JMJD1C: variants seen among roughly 807,000 people sequenced by gnomAD.
JMJD1C encodes jumonji domain-containing protein 1C.
JMJD1C carries 31 observed loss-of-function variants against 245.3 expected under a neutral mutation model. The ratio of observed to expected loss-of-function variants is 0.13; its 90% CI spans 0.09 to 0.17. The LOEUF is 0.17. Ranked by LOEUF, JMJD1C falls within the 10% of genes least tolerant of loss-of-function variation. JMJD1C has a pLI of 1.00. For missense variants in JMJD1C, 2,691 were observed against 3,000.2 expected, an observed-to-expected ratio of 0.90 and a Z score of 2.41; for synonymous variants, 1,057 against 1,017.4, an observed-to-expected ratio of 1.04 and a Z score of -0.74.
chr10:63,351,039 C>T (rs1944313721), intron 2 of JMJD1C, among the ~76,000 whole-genome samples: 1 of 151,086 alleles, frequency 6.6e-6, no homozygotes, highest in Non-Finnish European at 1.5e-5. Context: ...GATATAGATT[C>T]TGTTCTTCTC....
intron 1 of JMJD1C, among the ~76,000 whole-genome samples, chr10:63,472,020 CAG>C (rs1953506272): frequency 6.6e-6 from 1 of 152,148 alleles, no homozygotes; most frequent in African/African-American, 2.4e-5. Context: ...GCCTGGGCGA[CAG>C]AGTGAGACTC....
chr10:63,335,891 C>T (rs762725975), intron 2 of JMJD1C, among the ~76,000 whole-genome samples: 5 of 151,574 alleles, frequency 3.3e-5, no homozygotes, highest in Admixed American at 6.6e-5. Context: ...GAGGCCAACA[C>T]AGACAGATCA....
chr10:63,225,324 C>G (rs927147514), intron 3 of JMJD1C, among the ~76,000 whole-genome samples: 2 of 152,116 alleles, frequency 1.3e-5, no homozygotes, highest in Admixed American at 6.5e-5. Context: ...CACTAAGCAT[C>G]TGCTTTATTA....
chr10:63,475,122 C>T (rs1245271407), intron 1 of JMJD1C, among the ~76,000 whole-genome samples: 5 of 152,034 alleles, frequency 3.3e-5, no homozygotes, highest in Admixed American at 3.3e-4. Flanking sequence ...ATTATCCTTT[C>T]CTTTACAGTT....
At chr10:63,191,335 T>C (rs1398867941) in intron 16 of JMJD1C, among the ~76,000 whole-genome samples, 2 of 152,126 alleles carry the variant, frequency 1.3e-5, no homozygotes, top group African/African-American at 2.4e-5. Context: ...GGTTTCATCA[T>C]GTTGGTCAGG....
intron 13 of JMJD1C, 112 bp from the exon 14 acceptor site, chr10:63,194,487 C>T: frequency 4.7e-6 from 3 of 638,624 alleles, no homozygotes; most frequent in Admixed American, 2.6e-5. Context: ...AGAGTCACAG[C>T]CAAAGAGAAA....
chr10:63,183,311 G>A, intron 22 of JMJD1C, 136 bp downstream of exon 22: 11 of 651,994 alleles, frequency 1.7e-5, no homozygotes, highest in South Asian at 2.4e-5. Context: ...AGTAATAAGG[G>A]CTAAAATGCC....
chr10:63,405,210 A>C (rs1439388334), intron 1 of JMJD1C, among the ~76,000 whole-genome samples: 2 of 152,174 alleles, frequency 1.3e-5, no homozygotes, highest in Non-Finnish European at 2.9e-5. Context: ...TATGTTTTTC[A>C]GATGAGAACT....
chr10:63,418,848 G>A (rs1004706634), intron 1 of JMJD1C, among the ~76,000 whole-genome samples: 1 of 152,166 alleles, frequency 6.6e-6, no homozygotes, highest in African/African-American at 2.4e-5. Context: ...GGGAGGCCGA[G>A]GCAGGGGATC....
rs766251480 is a variant in JMJD1C, at chr10:63,208,076, C to T, written c.3593G>A (p.Arg1198His). ...HLTVSSTNTL[R>H]SMPALHRAPV... Reference sequence around the variant, plus strand: ...TGCTCTATGTAATGCAGGCATACTGCGGAGTGTATTTGTAGAAGAAACTGT... The same window carrying T: ...TGCTCTATGTAATGCAGGCATACTGTGGAGTGTATTTGTAGAAGAAACTGT... The change falls in exon 10 of 26, where the codon CGC becomes CAC. Residue 1198 changes from arginine (R) to histidine (H), a missense_variant. Transcript: ENST00000399262. 64 of 1,613,920 alleles carry T rather than the reference C, an allele frequency of 4.0e-5. No individual in the cohort carries two copies. Among genetic ancestry groups the T allele is most frequent in the Admixed American group, 8.3e-5 (5 of 59,992 alleles).
intron 2 of JMJD1C, among the ~76,000 whole-genome samples, chr10:63,269,876 G>A (rs1856068029): frequency 6.6e-6 from 1 of 152,096 alleles, no homozygotes; most frequent in Admixed American, 6.5e-5. Context: ...TCTGCTGTCT[G>A]ATGTTGTCCA....
At chr10:63,273,706 G>C (rs534262189) in intron 2 of JMJD1C, among the ~76,000 whole-genome samples, 1 of 152,256 alleles carries the variant, frequency 6.6e-6, no homozygotes, top group African/African-American at 2.4e-5. Flanking sequence ...AACCAGGCTA[G>C]GGGAAGAGGA....
intron 2 of JMJD1C, among the ~76,000 whole-genome samples, chr10:63,297,258 C>G (rs1190952463): frequency 2.6e-5 from 4 of 152,196 alleles, no homozygotes; most frequent in Non-Finnish European, 5.9e-5. Context: ...TCCTTGATGC[C>G]TTTTGGCCAG....
intron 1 of JMJD1C, among the ~76,000 whole-genome samples, chr10:63,454,925 T>C (rs1369014464): frequency 1.3e-5 from 2 of 152,218 alleles, no homozygotes; most frequent in Admixed American, 6.5e-5. Flanking sequence ...CAGTTCTTCT[T>C]GGCAAAAATA....
rs1206405136 is a variant in JMJD1C at position 63,190,953 on chromosome 10, G to A, written c.6232C>T (p.Arg2078Cys). The change falls in exon 17 of 26, where the codon CGT (arginine) becomes TGT (cysteine). Residue 2078 changes from arginine (R) to cysteine (C), a missense_variant. Physicochemically the swap from Arg to Cys is radical, Grantham distance 180. This residue lies in a region of JMJD1C where 275 missense variants were observed against 285.5 expected (regional missense o/e 0.96). Transcript: ENST00000399262. ...ATGCCAGCATCTGTAGACCCCACAC[G>A]TAGCTTTCCAGCTGTTGTAGTCAGC... is the stretch of plus-strand genomic sequence containing the variant. ...DLLTTTAGKL[R>C]VGSTDAGIAF... 7.4e-6 allele frequency: 12 copies of A among 1,614,012 alleles called. No individual in the cohort carries two copies. The highest frequency in any genetic ancestry group is 2.2e-5 in the East Asian group (1 of 44,898).
chr10:63,422,998 CTT>C (rs1950215921), intron 1 of JMJD1C, among the ~76,000 whole-genome samples: 1 of 149,034 alleles, frequency 6.7e-6, no homozygotes, highest in Non-Finnish European at 1.5e-5. Flanking sequence ...AGTTTTCGCT[CTT>C]GTCACCCAGG....
chr10:63,301,937 T>G (rs1223082212), intron 2 of JMJD1C: 1 of 288,406 alleles, frequency 3.5e-6, no homozygotes, highest in Non-Finnish European at 7.0e-6. Flanking sequence ...CCATTTCCTA[T>G]GAGTACATAC....
chr10:63,338,931 C>G (rs539385536), intron 2 of JMJD1C, among the ~76,000 whole-genome samples: 154 of 152,136 alleles, frequency 1.0e-3, no homozygotes, highest in Middle Eastern at 3.4e-3. Context: ...TTACAGGTGT[C>G]GTGAGCCACT....
chr10:63,444,362 C>T (rs1033562238), intron 1 of JMJD1C, among the ~76,000 whole-genome samples: 5 of 152,190 alleles, frequency 3.3e-5, no homozygotes, highest in Non-Finnish European at 5.9e-5. Flanking sequence ...CAACCTCCGC[C>T]TCCCAGGTTC....
Sources: gnomAD v4.1 joint callset for allele counts (sites outside exome capture counted in the v4.1 genomes callset) on GRCh38, gnomAD v4.1.1 for gene constraint, gnomAD v4.1.1 regional missense constraint, MANE v1.5 for transcripts, NCBI Gene and HGNC (gene_info 2026-07-23, HGNC 2026-07-21) for gene names.